MBLAC2: variants seen among roughly 807,000 people sequenced by gnomAD.
MBLAC2 encodes metallo-beta-lactamase domain containing 2.
Under a neutral mutation model 23.3 loss-of-function variants are expected in MBLAC2, and 24 were observed. The ratio of observed to expected loss-of-function variants is 1.03; its 90% CI spans 0.75 to 1.45. The LOEUF (loss-of-function observed/expected upper bound fraction) is 1.45, where lower values mean the gene tolerates loss of function less well. Ranked by LOEUF, MBLAC2 falls within the 40% of genes most tolerant of loss-of-function variation. MBLAC2 has a pLI of 0.00. For missense variants in MBLAC2, 358 were observed against 370.0 expected (o/e 0.97, Z 0.27); for synonymous variants, 162 against 150.9 (o/e 1.07, Z -0.54).
At chr5:90,469,718 G>C (rs1267435924) in intron 1 of MBLAC2, among the ~76,000 whole-genome samples, 1 of 152,122 alleles carries the variant, frequency 6.6e-6, no homozygotes, top group African/African-American at 2.4e-5. Context: ...TTGTCAAAAA[G>C]ACAGAAAATA....
rs1026274424 is a variant in MBLAC2, at chr5:90,474,354, C to A, written c.-62G>T. On this transcript the variant is annotated 5_prime_UTR_variant, in exon 1 of 2. Coordinates refer to ENST00000316610, the MANE Select transcript of MBLAC2 (RefSeq NM_203406.2). ...GCGTGCGAGTCTCCCACAGGCTGTC[C>A]ACACACAGGGCACTGCGGCTGTGTG... 6 of 1,465,926 alleles carry A rather than the reference C, an allele frequency of 4.1e-6. No individual in the cohort carries two copies. The highest frequency in any genetic ancestry group is 5.7e-6 in the Non-Finnish European group (6 of 1,056,124). The allele number at this position is 1,465,926 out of a possible 1,614,324, so 90.8% of individuals were successfully genotyped here. A position where few individuals can be genotyped will look rare whatever the true frequency, so the allele number is the denominator to read the frequency against.
chr5:90,464,913 T>TA (rs1250527036), intron 1 of MBLAC2, among the ~76,000 whole-genome samples: 3 of 152,202 alleles, frequency 2.0e-5, no homozygotes, highest in Non-Finnish European at 2.9e-5. Flanking sequence ...TATGAACATC[T>TA]ATAGGTAATA....
Position 90,473,900 on chromosome 5 carries a change from G to A in MBLAC2, c.393C>T (p.Pro131=). ...CCCGGAACTGTCTGGCCCTCCAGCC[G>A]GGGCTGGGCGTCCGCACCACCTCGC... ...SDSEVVRTPS[P]GWRARQFRVQ... is the part of the protein sequence containing the mutation. The change falls in exon 1 of 2, where the codon CCC becomes CCT. Residue 131 remains proline (P), a synonymous_variant. Transcript: ENST00000316610. The A allele has an allele frequency of 1.2e-6, 2 of 1,605,956 alleles. No homozygotes were observed. Among genetic ancestry groups the A allele is most frequent in the Non-Finnish European group, 1.7e-6 (2 of 1,176,952 alleles).
Position 90,474,044 on chromosome 5 carries a change from G to T in MBLAC2, c.249C>A (p.His83Gln), listed in dbSNP as rs761125129. 6.3e-7 allele frequency: 1 copy of T among 1,590,380 alleles called. No individual in the cohort carries two copies. The highest frequency in any genetic ancestry group is 1.1e-5 in the South Asian group (1 of 87,714). The change falls in exon 1 of 2, where the codon CAC becomes CAA. Residue 83 changes from histidine to glutamine, a missense_variant. By Grantham distance (24) the His-to-Gln change is conservative (BLOSUM62 0). Coordinates refer to ENST00000316610, the MANE Select transcript of MBLAC2 (RefSeq NM_203406.2). Reference sequence around the variant, plus strand: ...GGCCGCCGGAGTGGTCGAAGTGCACGTGGGTGGCCACGGCAAGCAGTGGCC... The same window carrying T: ...GGCCGCCGGAGTGGTCGAAGTGCACTTGGGTGGCCACGGCAAGCAGTGGCC... ...ARRPLLAVATHVHFDHSGGLY... is the reference protein window; with the variant it reads ...ARRPLLAVATQVHFDHSGGLY...
chr5:90,470,785 C>CACACACACA (rs3220210), intron 1 of MBLAC2, among the ~76,000 whole-genome samples: 1 of 148,068 alleles, frequency 6.8e-6, no homozygotes, highest in Non-Finnish European at 1.5e-5. Flanking sequence ...CACACACACA[C>CACACACACA]GCTTTCTTTC....
At chr5:90,463,280 C>T (rs999372054) in intron 1 of MBLAC2, among the ~76,000 whole-genome samples, 6 of 152,170 alleles carry the variant, frequency 3.9e-5, no homozygotes, top group Non-Finnish European at 5.9e-5. Flanking sequence ...GACAGGGTTT[C>T]GCCATGTTGG....
At chr5:90,470,028 T>C (rs1011591167) in intron 1 of MBLAC2, among the ~76,000 whole-genome samples, 5 of 152,206 alleles carry the variant, frequency 3.3e-5, no homozygotes, top group Non-Finnish European at 5.9e-5. Flanking sequence ...TGGGAAAATA[T>C]ACACAGTGGA....
chr5:90,462,698 T>G (rs1750385451), intron 1 of MBLAC2, among the ~76,000 whole-genome samples: 2 of 152,172 alleles, frequency 1.3e-5, no homozygotes, highest in African/African-American at 4.8e-5. Context: ...CAATTATAAA[T>G]GTACATGCAC....
In MBLAC2 at chr5:90,474,487, T is replaced by A; in HGVS notation, c.-195A>T. 1 of 592,538 alleles carries A rather than the reference T, an allele frequency of 1.7e-6. No individual in the cohort carries two copies. Among genetic ancestry groups the A allele is most frequent in the South Asian group, 2.1e-5 (1 of 48,450 alleles). 36.7% of individuals were successfully genotyped at this position (592,538 alleles called of 1,614,324 possible). The stretch of plus-strand genomic sequence containing the variant: ...ACGCAGACCGACGCTGCCCGTAGCG[T>A]GCGCTCCCGCACCCTTCCGCCAGGT... On this transcript the variant is annotated 5_prime_UTR_variant, in exon 1 of 2. Transcript: ENST00000316610.
At position 90,458,812 on chromosome 5, in the gene MBLAC2, A is replaced by G. The variant is rs1263076327; in HGVS notation, c.*2355T>C. ...TAAATAATGCATATTTTAAATGTAC[A>G]GCATGGGCACTCAATAAATGATATA... On this transcript the variant is annotated 3_prime_UTR_variant, in exon 2 of 2. Coordinates refer to ENST00000316610, the MANE Select transcript of MBLAC2 (RefSeq NM_203406.2). The G allele has an allele frequency of 6.6e-6, 1 of 152,266 alleles. No individual in the cohort carries two copies. Among genetic ancestry groups the G allele is most frequent in the African/African-American group, 2.4e-5 (1 of 41,446 alleles). 9.4% of individuals were successfully genotyped at this position (152,266 alleles called of 1,614,324 possible). A position where few individuals can be genotyped will look rare whatever the true frequency, so the allele number is the denominator to read the frequency against.
chr5:90,463,083 CTTTT>C (rs1318724930), intron 1 of MBLAC2, among the ~76,000 whole-genome samples: 3 of 152,154 alleles, frequency 2.0e-5, no homozygotes, highest in Admixed American at 1.3e-4. Context: ...AACATGTAGT[CTTTT>C]TGTTTGTTTT....
In MBLAC2 at chr5:90,473,972, CGCCTCG is replaced by C. The variant is rs1750634435; in HGVS notation, c.315_320del (p.Glu106_Ala107del). On this transcript the variant is annotated inframe_deletion, in exon 1 of 2. Coordinates refer to ENST00000316610, the MANE Select transcript of MBLAC2 (RefSeq NM_203406.2). Reference sequence around the variant, plus strand: ...TCTCAAAGTTGTCCCCGCGAGCCAGCGCCTCGGCCTCGGCGTGGTGCACTGCCACGC... The same window carrying C: ...TCTCAAAGTTGTCCCCGCGAGCCAGCGCCTCGGCGTGGTGCACTGCCACGC... 6.3e-7 allele frequency: 1 copy of C among 1,599,496 alleles called. No individual in the cohort carries two copies. Among genetic ancestry groups the C allele is most frequent in the Non-Finnish European group, 8.5e-7 (1 of 1,174,040 alleles).
chr5:90,470,754 G>GCACA (rs112575403), intron 1 of MBLAC2, among the ~76,000 whole-genome samples: 6,290 of 112,384 alleles, frequency 0.056, 129 homozygotes, highest in South Asian at 0.087. Context: ...ACTAGCGCGC[G>GCACA]CGCACACACA....
At position 90,459,964 on chromosome 5, in the gene MBLAC2, T is replaced by TG. The variant is rs1206174899; in HGVS notation, c.*1202dup. The TG allele has an allele frequency of 2.0e-4, 30 of 152,550 alleles. No individual in the cohort carries two copies. Among genetic ancestry groups the TG allele is most frequent in the Admixed American group, 2.0e-3 (30 of 15,264 alleles). 9.4% of individuals were successfully genotyped at this position (152,550 alleles called of 1,614,324 possible). The stretch of plus-strand genomic sequence containing the variant: ...AGATATGTCAATAATAAAAAGGCAG[T>TG]GGGAAAAAACTGTTTAAAACCCTTT... On this transcript the variant is annotated 3_prime_UTR_variant, in exon 2 of 2. Transcript: ENST00000316610.
In MBLAC2 at chr5:90,473,911, T is replaced by C. The variant is rs2162986; in HGVS notation, c.382A>G (p.Thr128Ala). Residue 128 changes from threonine to alanine, a missense_variant, in exon 1 of 2, where the codon ACG becomes GCG. Coordinates refer to ENST00000316610, the MANE Select transcript of MBLAC2 (RefSeq NM_203406.2). Reference sequence around the variant, plus strand: ...CTGGCCCTCCAGCCGGGGCTGGGCGTCCGCACCACCTCGCTATCGGAAAGC... The same window carrying C: ...CTGGCCCTCCAGCCGGGGCTGGGCGCCCGCACCACCTCGCTATCGGAAAGC... ...TWLSDSEVVR[T>A]PSPGWRARQF... 1 allele frequency: 1,602,443 copies of C among 1,605,454 alleles called. 799,816 individuals carry two copies. Among genetic ancestry groups the C allele is most frequent in the Middle Eastern group, 1 (6,054 of 6,054 alleles).
At position 90,474,028 on chromosome 5, in the gene MBLAC2, A is replaced by C. The variant is rs1392280610; in HGVS notation, c.265T>G (p.Ser89Ala). The C allele has an allele frequency of 1.3e-6, 2 of 1,591,880 alleles. No individual in the cohort carries two copies. The highest frequency in any genetic ancestry group is 1.1e-5 in the South Asian group (1 of 87,770). ...CGGTCGAACTGGTAGAGGCCGCCGG[A>C]GTGGTCGAAGTGCACGTGGGTGGCC... ...AVATHVHFDHSGGLYQFDRVA... is the reference protein window; with the variant it reads ...AVATHVHFDHAGGLYQFDRVA... Residue 89 changes from serine (S) to alanine (A), a missense_variant, in exon 1 of 2, where the codon TCC becomes GCC. Ser to Ala is a moderately conservative substitution (Grantham distance 99). Coordinates refer to ENST00000316610, the MANE Select transcript of MBLAC2 (RefSeq NM_203406.2).
intron 1 of MBLAC2, chr5:90,473,374 T>G: frequency 2.6e-6 from 1 of 377,818 alleles, no homozygotes; most frequent in Non-Finnish European, 4.8e-6. Context: ...CCATACCCGG[T>G]GGGGACCAAG....
intron 1 of MBLAC2, among the ~76,000 whole-genome samples, chr5:90,465,711 G>T (rs1750435821): frequency 6.6e-6 from 1 of 152,060 alleles, no homozygotes; most frequent in Non-Finnish European, 1.5e-5. Context: ...GGGACTACAG[G>T]TATATGACAC....
chr5:90,467,057 A>G (rs1272387862), intron 1 of MBLAC2, among the ~76,000 whole-genome samples: 1 of 152,194 alleles, frequency 6.6e-6, no homozygotes, highest in Non-Finnish European at 1.5e-5. Flanking sequence ...GAATCGCTTG[A>G]ACTTGGGAGG....
Sources: allele counts gnomAD v4.1 joint callset (sites outside exome capture counted in the v4.1 genomes callset), GRCh38; gene constraint gnomAD v4.1.1; transcripts MANE v1.5; gene names NCBI Gene and HGNC (gene_info 2026-07-23, HGNC 2026-07-21).